The following CHN2 variants were observed in gnomAD, a reference collection of about 807,000 sequenced individuals.
The protein encoded by CHN2 is chimerin 2.
CHN2 carries 35 observed loss-of-function variants against 56.3 expected under a neutral mutation model. That is an observed-to-expected ratio of 0.62 (90% CI 0.47 to 0.82). CHN2 has a LOEUF of 0.82. Among genes scored for constraint, CHN2 ranks in the 40% least tolerant of loss-of-function variants. The pLI is 0.00. For missense variants in CHN2, 491 were observed against 580.5 expected (o/e 0.85, Z 1.58); for synonymous variants, 210 against 212.8 (o/e 0.99, Z 0.12).
At chr7:29,364,998 T>C (rs78888700) in intron 2 of CHN2, among the ~76,000 whole-genome samples, 8 of 152,362 alleles carry the variant, frequency 5.3e-5, no homozygotes, top group Non-Finnish European at 8.8e-5. Flanking sequence ...GTTGTGTGTG[T>C]GTCTGTGTAT....
chr7:29,260,081 G>A (rs1377429599), intron 1 of CHN2, among the ~76,000 whole-genome samples: 2 of 152,172 alleles, frequency 1.3e-5, no homozygotes, highest in East Asian at 1.9e-4. Flanking sequence ...AGGGTCAAGC[G>A]ATTCTCCTGC....
intron 2 of CHN2, among the ~76,000 whole-genome samples, chr7:29,167,019 T>C (rs1185623845): frequency 3.3e-5 from 5 of 152,150 alleles, no homozygotes; most frequent in African/African-American, 4.8e-5. Context: ...ATACTGTATA[T>C]GTACAAGTTA....
At chr7:29,338,396 G>A (rs1490102666) in intron 1 of CHN2, among the ~76,000 whole-genome samples, 1 of 152,202 alleles carries the variant, frequency 6.6e-6, no homozygotes, top group African/African-American at 2.4e-5. Context: ...ATGAGAGACA[G>A]AATTTTGTAA....
intron 6 of CHN2, among the ~76,000 whole-genome samples, chr7:29,466,682 T>C (rs1785579740): frequency 6.6e-6 from 1 of 152,240 alleles, no homozygotes; most frequent in African/African-American, 2.4e-5. Context: ...TTTGCACATC[T>C]GAGAGTTTCT....
At chr7:29,458,907 A>G (rs1270782197) in intron 6 of CHN2, among the ~76,000 whole-genome samples, 1 of 152,228 alleles carries the variant, frequency 6.6e-6, no homozygotes, top group Non-Finnish European at 1.5e-5. Context: ...GTGTGATGGA[A>G]TATCAGAATT....
intron 1 of CHN2, among the ~76,000 whole-genome samples, chr7:29,252,586 T>TTTTTGTTTGGTTTTG (rs56735453): frequency 3.5e-5 from 1 of 28,938 alleles, no homozygotes; most frequent in Admixed American, 4.0e-4. Flanking sequence ...TTGTTTTTTT[T>TTTTTGTTTGGTTTTG]TTTTTTTTTT....
At chr7:29,442,040 A>G (rs1431087279) in intron 6 of CHN2, among the ~76,000 whole-genome samples, 4 of 152,240 alleles carry the variant, frequency 2.6e-5, no homozygotes, top group Admixed American at 1.3e-4. Flanking sequence ...AATGTCCATC[A>G]ACACATGCTT....
chr7:29,401,868 G>GA (rs1246936527), intron 6 of CHN2, among the ~76,000 whole-genome samples: 1 of 152,158 alleles, frequency 6.6e-6, no homozygotes, highest in Non-Finnish European at 1.5e-5. Flanking sequence ...TGTGCCCCTT[G>GA]AGGGACCATC....
chr7:29,430,190 G>A (rs757352859), intron 6 of CHN2, among the ~76,000 whole-genome samples: 2 of 152,208 alleles, frequency 1.3e-5, no homozygotes, highest in African/African-American at 2.4e-5. Context: ...GAAAGGCCAA[G>A]ATATGGTGGT....
chr7:29,409,222 C>G (rs1802955632), intron 6 of CHN2, among the ~76,000 whole-genome samples: 1 of 152,182 alleles, frequency 6.6e-6, no homozygotes, highest in South Asian at 2.1e-4. Context: ...AGTGCTCAAA[C>G]TTCTCGGCCT....
intron 1 of CHN2, among the ~76,000 whole-genome samples, chr7:29,239,142 A>G (rs550399553): frequency 1.3e-3 from 192 of 152,316 alleles, no homozygotes; most frequent in Non-Finnish European, 2.4e-3. Flanking sequence ...CTGTTCCAAT[A>G]ATCTCAAAGG....
At chr7:29,151,934 A>C (rs543257551) in intron 2 of CHN2, among the ~76,000 whole-genome samples, 1 of 152,266 alleles carries the variant, frequency 6.6e-6, no homozygotes, top group Non-Finnish European at 1.5e-5. Context: ...AAGGACAAAC[A>C]GATAGTAAAC....
At chr7:29,223,049 T>G (rs909204838) in intron 1 of CHN2, among the ~76,000 whole-genome samples, 14 of 152,100 alleles carry the variant, frequency 9.2e-5, no homozygotes, top group African/African-American at 3.4e-4. Context: ...GGCAAAATAC[T>G]TGAAAAAGCT....
intron 1 of CHN2, among the ~76,000 whole-genome samples, chr7:29,340,405 G>T (rs936550440): frequency 2.0e-5 from 3 of 151,744 alleles, no homozygotes; most frequent in Non-Finnish European, 4.4e-5. Context: ...TGCTTGGGGG[G>T]GGGCCTCAAT....
chr7:29,326,170 T>G (rs566840059), intron 1 of CHN2, among the ~76,000 whole-genome samples: 16 of 152,252 alleles, frequency 1.1e-4, no homozygotes, highest in African/African-American at 3.1e-4. Flanking sequence ...TGTTGTTGTT[T>G]TTTTTTGAGA....
At chr7:29,273,345 A>ATATATATATATATATATATATATGTG (rs1790844351) in intron 1 of CHN2, among the ~76,000 whole-genome samples, 2 of 28,726 alleles carry the variant, frequency 7.0e-5, no homozygotes, top group Non-Finnish European at 1.3e-4. Flanking sequence ...ATATATGTGT[A>ATATATATATATATATATATATATGTG]TATATATATA....
chr7:29,352,365 GTGTA>G (rs946995262), intron 1 of CHN2, among the ~76,000 whole-genome samples: 21 of 134,092 alleles, frequency 1.6e-4, no homozygotes, highest in African/African-American at 5.1e-4. Context: ...GTGTGTGTGT[GTGTA>G]TGTGTGTGTG....
chr7:29,267,440 C>T (rs2128841337), intron 1 of CHN2, among the ~76,000 whole-genome samples: 1 of 152,132 alleles, frequency 6.6e-6, no homozygotes, highest in East Asian at 1.9e-4. Context: ...GACAGGGTTT[C>T]ACCATGTTAG....
chr7:29,453,739 A>T (rs1215880518), intron 6 of CHN2, among the ~76,000 whole-genome samples: 1 of 152,188 alleles, frequency 6.6e-6, no homozygotes, highest in Non-Finnish European at 1.5e-5. Context: ...AGAGAGATCA[A>T]GGCCTACCCA....
Sources: allele counts gnomAD v4.1 joint callset (sites outside exome capture counted in the v4.1 genomes callset), GRCh38; gene constraint gnomAD v4.1.1; transcripts MANE v1.5; gene names NCBI Gene and HGNC (gene_info 2026-07-23, HGNC 2026-07-21).